NSRP1: variants seen among roughly 807,000 people sequenced by gnomAD.
NSRP1 encodes nuclear speckle splicing regulatory protein 1, also known as coiled-coil domain containing 55.
In NSRP1, 24 loss-of-function variants were observed where a neutral mutation model predicts 54.7. That is an observed-to-expected ratio of 0.44 (90% confidence interval 0.32 to 0.62). The LOEUF (loss-of-function observed/expected upper bound fraction) is 0.62. Among genes scored for constraint, NSRP1 ranks in the 20% least tolerant of loss-of-function variants. NSRP1 has a pLI of 0.06. For synonymous variants in NSRP1, 210 were observed against 213.8 expected (o/e 0.98, Z 0.15); for missense variants, 596 against 651.2 (o/e 0.92, Z 0.92).
At chr17:30,132,119 G>A (rs2071705504) in intron 2 of NSRP1, among the ~76,000 whole-genome samples, 1 of 149,372 alleles carries the variant, frequency 6.7e-6, no homozygotes, top group African/African-American at 2.4e-5. Flanking sequence ...ATGGTGGCGG[G>A]CGCCTGTAGT....
chr17:30,126,675 G>A (rs1431984044), intron 2 of NSRP1, among the ~76,000 whole-genome samples: 6 of 151,688 alleles, frequency 4.0e-5, no homozygotes, highest in Non-Finnish European at 7.4e-5. Flanking sequence ...TGCAACCTCC[G>A]CTTCCCAGCC....
In NSRP1 at chr17:30,185,829, G is replaced by C; in HGVS notation, c.*155G>C. On this transcript the variant is annotated 3_prime_UTR_variant, in exon 7 of 7. Transcript: ENST00000247026. ...AAGTTAAAAGTCAGTCTTACAGCTTGGATGTTTGGATGTGGATGTTTGGCT... is the reference window on the plus strand; with the variant it reads ...AAGTTAAAAGTCAGTCTTACAGCTTCGATGTTTGGATGTGGATGTTTGGCT... 3 of 696,946 alleles carry C rather than the reference G, an allele frequency of 4.3e-6. No homozygotes were observed. The highest frequency in any genetic ancestry group is 6.7e-6 in the Non-Finnish European group (3 of 444,786). 43.2% of individuals were successfully genotyped at this position (696,946 alleles called of 1,614,324 possible). A position where few individuals can be genotyped will look rare whatever the true frequency, so the allele number is the denominator to read the frequency against.
chr17:30,142,529 G>A (rs945525127), intron 2 of NSRP1, among the ~76,000 whole-genome samples: 22 of 151,544 alleles, frequency 1.5e-4, no homozygotes, highest in South Asian at 6.2e-4. Context: ...ATGAAGTCTT[G>A]CTATGTTGCC....
intron 2 of NSRP1, among the ~76,000 whole-genome samples, chr17:30,145,539 C>T (rs1014368155): frequency 6.6e-6 from 1 of 152,128 alleles, no homozygotes; most frequent in Non-Finnish European, 1.5e-5. Context: ...GCCGAGATCA[C>T]GCCACTGCAC....
intron 2 of NSRP1, among the ~76,000 whole-genome samples, chr17:30,133,153 A>G (rs1008726370): frequency 7.3e-6 from 1 of 137,872 alleles, no homozygotes; most frequent in Non-Finnish European, 1.5e-5. Flanking sequence ...GGGTCTCACC[A>G]TGTTGCCCAG....
intron 2 of NSRP1, 26 bp from the exon 3 acceptor site, chr17:30,172,516 A>G: frequency 1.3e-6 from 2 of 1,577,714 alleles, no homozygotes; most frequent in Non-Finnish European, 1.7e-6. Flanking sequence ...TTGTTTAAAA[A>G]GTGACAATAT....
intron 5 of NSRP1, 77 bp from the exon 6 acceptor site, chr17:30,180,831 A>G: frequency 1.1e-6 from 1 of 923,918 alleles, no homozygotes. Context: ...ACTGTATGTT[A>G]TATACTGTAT....
intron 2 of NSRP1, among the ~76,000 whole-genome samples, chr17:30,140,881 G>T (rs1388428099): frequency 6.6e-6 from 1 of 151,996 alleles, no homozygotes; most frequent in Non-Finnish European, 1.5e-5. Flanking sequence ...TTAGAGACAG[G>T]GTCTCACTGT....
chr17:30,148,001 T>G (rs2071873391), intron 2 of NSRP1, among the ~76,000 whole-genome samples: 1 of 151,542 alleles, frequency 6.6e-6, no homozygotes, highest in African/African-American at 2.4e-5. Context: ...TTGGTAGAGT[T>G]GGGGTTTCCC....
intron 2 of NSRP1, among the ~76,000 whole-genome samples, chr17:30,168,606 T>TA (rs966856889): frequency 2.0e-5 from 3 of 148,838 alleles, no homozygotes; most frequent in African/African-American, 4.9e-5. Context: ...ATAATAATAA[T>TA]AATAAATAAA....
intron 2 of NSRP1, among the ~76,000 whole-genome samples, chr17:30,145,935 G>A (rs999230749): frequency 6.6e-6 from 1 of 152,094 alleles, no homozygotes; most frequent in Non-Finnish European, 1.5e-5. Flanking sequence ...CTGCAGCCTC[G>A]ATGTACGGGG....
chr17:30,126,778 AGGGTTTCGCCATGTTGCCCAGGC>A (rs776203290), intron 2 of NSRP1, among the ~76,000 whole-genome samples: 11 of 152,200 alleles, frequency 7.2e-5, no homozygotes, highest in Non-Finnish European at 1.3e-4. Flanking sequence ...TTGTAGAGAC[AGGGTTTCGCCATGTTGCCCAGGC>A]GGGTCTCAAG....
At chr17:30,119,123 CTT>C (rs1473279663) in intron 2 of NSRP1, among the ~76,000 whole-genome samples, 1 of 149,732 alleles carries the variant, frequency 6.7e-6, no homozygotes, top group Non-Finnish European at 1.5e-5. Flanking sequence ...GAGTTTCGCT[CTT>C]GTTACCTAGG....
intron 2 of NSRP1, among the ~76,000 whole-genome samples, chr17:30,141,527 C>T (rs1196712838): frequency 2.0e-5 from 3 of 151,850 alleles, no homozygotes; most frequent in African/African-American, 7.3e-5. Flanking sequence ...TTTACATTTT[C>T]TTAGTATCTT....
Position 30,185,984 on chromosome 17 carries a change from T to G in NSRP1, c.*310T>G, listed in dbSNP as rs1338044859. The stretch of plus-strand genomic sequence containing the variant: ...CTCCACTACAACCATTAAAAAATAA[T>G]TTTGGCCAGATACGGTAGCTCGTGC... On this transcript the variant is annotated 3_prime_UTR_variant, in exon 7 of 7. Transcript: ENST00000247026. 5.2e-6 allele frequency: 1 copy of G among 193,272 alleles called. No individual in the cohort carries two copies. Among genetic ancestry groups the G allele is most frequent in the Non-Finnish European group, 1.0e-5 (1 of 96,068 alleles). 12.0% of individuals were successfully genotyped at this position (193,272 alleles called of 1,614,324 possible).
intron 2 of NSRP1, among the ~76,000 whole-genome samples, chr17:30,137,800 G>C (rs1393266255): frequency 2.6e-5 from 4 of 151,988 alleles, no homozygotes; most frequent in Non-Finnish European, 4.4e-5. Flanking sequence ...TAGTCTTGGT[G>C]TATTATTCTT....
At chr17:30,162,223 G>T (rs1412378563) in intron 2 of NSRP1, among the ~76,000 whole-genome samples, 3 of 151,896 alleles carry the variant, frequency 2.0e-5, no homozygotes, top group African/African-American at 4.8e-5. Flanking sequence ...GTAGAGATGG[G>T]GTTTCGCTGT....
intron 2 of NSRP1, among the ~76,000 whole-genome samples, chr17:30,124,431 A>G (rs184956434): frequency 6.6e-6 from 1 of 152,384 alleles, no homozygotes; most frequent in African/African-American, 2.4e-5. Context: ...GTCAGCAAAG[A>G]TAGGCCTGGG....
rs577028666 is a variant in NSRP1 at position 30,159,351 on chromosome 17, G to GT, written c.115-13183dup. The stretch of plus-strand genomic sequence containing the variant: ...TGAATTTGTTCATTAGTTTTAAGAG[G>GT]TTTTTTTTGTGTGTGTGTGTAGTCG... On this transcript the variant is annotated intron_variant, in intron 2 of 6. Transcript: ENST00000247026. Among the ~76,000 whole-genome samples, 617 of 151,804 alleles carry GT rather than the reference G, an allele frequency of 4.1e-3. 4 individuals carry two copies. The highest frequency in any genetic ancestry group is 0.014 in the African/African-American group (567 of 41,402).
Sources: gnomAD v4.1 joint callset for allele counts (sites outside exome capture counted in the v4.1 genomes callset) on GRCh38, gnomAD v4.1.1 for gene constraint, MANE v1.5 for transcripts, NCBI Gene and HGNC (gene_info 2026-07-23, HGNC 2026-07-21) for gene names.